The following KAT2B variants were observed in gnomAD, a reference collection of about 807,000 sequenced individuals.
KAT2B encodes lysine acetyltransferase 2B, also known as histone acetyltransferase KAT2B.
Under a neutral mutation model 105.9 loss-of-function variants are expected in KAT2B, and 36 were observed. The ratio of observed to expected loss-of-function variants is 0.34; its 90% CI spans 0.26 to 0.45. The LOEUF (loss-of-function observed/expected upper bound fraction) is 0.45. Ranked by LOEUF, KAT2B falls within the 20% of genes least tolerant of loss-of-function variation. The pLI is 1.00. For missense variants in KAT2B, 820 were observed against 1,021.6 expected, an observed-to-expected ratio of 0.80 and a Z score of 2.69; for synonymous variants, 397 against 377.9, an observed-to-expected ratio of 1.05 and a Z score of -0.59.
At chr3:20,095,904 G>A (rs756597188) in intron 3 of KAT2B, among the ~76,000 whole-genome samples, 12 of 152,180 alleles carry the variant, frequency 7.9e-5, no homozygotes, top group Non-Finnish European at 1.0e-4. Flanking sequence ...ACATGCCAGC[G>A]AGGAAGGTCA....
At chr3:20,054,683 C>T (rs1225444179) in intron 1 of KAT2B, among the ~76,000 whole-genome samples, 1 of 152,202 alleles carries the variant, frequency 6.6e-6, no homozygotes, top group Non-Finnish European at 1.5e-5. Context: ...TGAGTAATAT[C>T]ATAGTGATTG....
chr3:20,093,993 G>C lies in KAT2B; in HGVS notation c.431-1270G>C, dbSNP rs141840384. On this transcript the variant is annotated intron_variant, in intron 2 of 17. Coordinates refer to ENST00000263754, the MANE Select transcript of KAT2B (RefSeq NM_003884.5). Reference sequence around the variant, plus strand: ...CAAAAATATGTTTGTAGGTGCTTTAGAATTTGGGTCAAACCTTTTTCAGTT... The same window carrying C: ...CAAAAATATGTTTGTAGGTGCTTTACAATTTGGGTCAAACCTTTTTCAGTT... 1.8e-3 allele frequency among the ~76,000 whole-genome samples: 269 copies of C among 152,324 alleles called. 3 individuals carry two copies. The Middle Eastern group carries it at 0.037, about 21-fold the overall frequency.
intron 8 of KAT2B, among the ~76,000 whole-genome samples, chr3:20,121,170 A>T (rs1359381369): frequency 6.6e-6 from 1 of 152,224 alleles, no homozygotes; most frequent in Non-Finnish European, 1.5e-5. Context: ...TTGTAAAAAA[A>T]AGAACTCGAC....
chr3:20,148,603 G>A (rs188862740), intron 17 of KAT2B, 116 bp downstream of exon 17: 10 of 752,514 alleles, frequency 1.3e-5, no homozygotes, highest in African/African-American at 9.0e-5. Flanking sequence ...AGTGTATGAC[G>A]GGTGGTGGGA....
chr3:20,122,810 C>A lies in KAT2B; in HGVS notation c.1413+6C>A, dbSNP rs1216820928. 1.9e-6 allele frequency: 3 copies of A among 1,604,318 alleles called. No individual in the cohort carries two copies. Among genetic ancestry groups the A allele is most frequent in the South Asian group, 1.1e-5 (1 of 90,366 alleles). On this transcript the variant is annotated splice_donor_region_variant and intron_variant, in intron 9 of 17. Transcript: ENST00000263754. ...CAGCAATGCTTGGACCAGAGGTCAG[C>A]AGGGTAAACCTGGGCAGCCAGCTGG...
At chr3:20,113,785 A>G (rs1456970600) in intron 6 of KAT2B, among the ~76,000 whole-genome samples, 3 of 152,076 alleles carry the variant, frequency 2.0e-5, no homozygotes, top group African/African-American at 7.2e-5. Context: ...TTACATTCTT[A>G]TCTTCCTATT....
intron 1 of KAT2B, among the ~76,000 whole-genome samples, chr3:20,059,884 A>G (rs1250303444): frequency 6.6e-6 from 1 of 152,206 alleles, no homozygotes; most frequent in Non-Finnish European, 1.5e-5. Context: ...GTCCATTTAC[A>G]GTTAACCCTG....
intron 1 of KAT2B, among the ~76,000 whole-genome samples, chr3:20,057,886 C>G (rs182844471): frequency 1.3e-5 from 2 of 152,240 alleles, no homozygotes; most frequent in East Asian, 3.9e-4. Flanking sequence ...TAATATTTAG[C>G]AAAGGGAGGG....
At chr3:20,076,990 T>G (rs965686683) in intron 2 of KAT2B, among the ~76,000 whole-genome samples, 1 of 152,218 alleles carries the variant, frequency 6.6e-6, no homozygotes, top group Non-Finnish European at 1.5e-5. Context: ...GATTAAATGT[T>G]GGGTTTCTTT....
intron 12 of KAT2B, among the ~76,000 whole-genome samples, chr3:20,139,915 T>C (rs1699668481): frequency 6.6e-6 from 1 of 152,252 alleles, no homozygotes; most frequent in South Asian, 2.1e-4. Flanking sequence ...CATATTTAAT[T>C]ATGTAATTCA....
intron 1 of KAT2B, among the ~76,000 whole-genome samples, chr3:20,046,269 C>G (rs1559508976): frequency 6.6e-6 from 1 of 152,070 alleles, no homozygotes. Flanking sequence ...GGGTACAGGA[C>G]TATAAAATTA....
At chr3:20,072,855 A>T (rs1244637157) in intron 2 of KAT2B, among the ~76,000 whole-genome samples, 1 of 152,072 alleles carries the variant, frequency 6.6e-6, no homozygotes, top group Non-Finnish European at 1.5e-5. Context: ...CATTTTTATT[A>T]TTTCTGTTGC....
At chr3:20,133,168 G>T (rs964260720) in intron 11 of KAT2B, among the ~76,000 whole-genome samples, 2 of 152,080 alleles carry the variant, frequency 1.3e-5, no homozygotes, top group African/African-American at 4.8e-5. Flanking sequence ...CAGGTACTTT[G>T]GTATTGACAC....
chr3:20,133,817 G>T (rs1477543386), intron 11 of KAT2B, among the ~76,000 whole-genome samples: 1 of 152,062 alleles, frequency 6.6e-6, no homozygotes, highest in Non-Finnish European at 1.5e-5. Context: ...AAACGTATTT[G>T]CACGCCGTCA....
At chr3:20,102,062 A>C (rs1238533825) in intron 5 of KAT2B, among the ~76,000 whole-genome samples, 1 of 152,162 alleles carries the variant, frequency 6.6e-6, no homozygotes, top group Non-Finnish European at 1.5e-5. Flanking sequence ...CACACCTGTA[A>C]TCCTAGCACT....
chr3:20,086,906 C>T (rs1698628577), intron 2 of KAT2B, among the ~76,000 whole-genome samples: 1 of 147,126 alleles, frequency 6.8e-6, no homozygotes, highest in African/African-American at 2.6e-5. Flanking sequence ...CTCAGCCTCC[C>T]AAGTAGCTAG....
At chr3:20,045,980 A>T (rs564814483) in intron 1 of KAT2B, among the ~76,000 whole-genome samples, 6 of 152,228 alleles carry the variant, frequency 3.9e-5, no homozygotes, top group Non-Finnish European at 8.8e-5. Flanking sequence ...AATCCACCCC[A>T]GCTCTGCCAC....
At chr3:20,079,216 T>G (rs1341156117) in intron 2 of KAT2B, among the ~76,000 whole-genome samples, 12 of 147,282 alleles carry the variant, frequency 8.1e-5, no homozygotes, top group African/African-American at 2.8e-4. Context: ...TTTTTTTTTT[T>G]TTTTTTGCCA....
chr3:20,128,217 A>T (rs921945168), intron 11 of KAT2B, among the ~76,000 whole-genome samples: 1 of 152,222 alleles, frequency 6.6e-6, no homozygotes, highest in African/African-American at 2.4e-5. Context: ...CTCAGTGTTC[A>T]TTGTTAATTT....
Sources: allele counts gnomAD v4.1 joint callset (sites outside exome capture counted in the v4.1 genomes callset), GRCh38; gene constraint gnomAD v4.1.1; transcripts MANE v1.5; gene names NCBI Gene and HGNC (gene_info 2026-07-23, HGNC 2026-07-21).